PREX1: variants seen among roughly 807,000 people sequenced by gnomAD.
The protein encoded by PREX1 is phosphatidylinositol-3,4,5-trisphosphate dependent Rac exchange factor 1.
In PREX1, 41 loss-of-function variants were observed where a neutral mutation model predicts 198.3. That is an observed-to-expected ratio of 0.21 (90% CI 0.16 to 0.27). PREX1 has a LOEUF of 0.27. Among genes scored for constraint, PREX1 ranks in the 10% least tolerant of loss-of-function variants. PREX1 has a pLI of 1.00. For missense variants in PREX1, 1,620 were observed against 2,200.7 expected (o/e 0.74, Z 5.28); for synonymous variants, 843 against 887.2 (o/e 0.95, Z 0.89).
chr20:48,827,810 G>A lies in PREX1; in HGVS notation c.51C>T (p.Cys17=). Reference sequence around the variant, plus strand: ...CAGGGGCCCGGGGGTCCGGGTGGGCGCAGTCCCCGGCCCCGTCGCCGCCGG... The same window carrying A: ...CAGGGGCCCGGGGGTCCGGGTGGGCACAGTCCCCGGCCCCGTCGCCGCCGG... ...SEPGGDGAGD[C]AHPDPRAPGA... The change falls in exon 1 of 40, where the codon TGC becomes TGT. Residue 17 remains cysteine (C), a synonymous_variant. Transcript: ENST00000371941. The surrounding 1 kb of genome is among the most constrained non-coding windows in gnomAD (Gnocchi z 4.1). 9.7e-7 allele frequency: 1 copy of A among 1,029,662 alleles called. No homozygotes were observed. The allele number at this position is 1,029,662 out of a possible 1,614,324, so 63.8% of individuals were successfully genotyped here.
At chr20:48,775,794 T>C (rs900615759) in intron 1 of PREX1, among the ~76,000 whole-genome samples, 3 of 152,188 alleles carry the variant, frequency 2.0e-5, no homozygotes, top group African/African-American at 4.8e-5. Context: ...CTCCTTGCCT[T>C]CCACCACGAT....
chr20:48,856,664 C>T, the PREX1 span, among the ~76,000 whole-genome samples: 71 of 152,188 alleles, frequency 4.7e-4, no homozygotes, highest in African/African-American at 1.6e-3. Flanking sequence ...TGTTACTTCC[C>T]CTAGGGCAAG....
chr20:48,731,523 T>TA (rs2122716816), intron 4 of PREX1, among the ~76,000 whole-genome samples: 1 of 152,280 alleles, frequency 6.6e-6, no homozygotes, highest in African/African-American at 2.4e-5. Context: ...GCTGGATGAG[T>TA]AAATGAATAA....
intron 5 of PREX1, among the ~76,000 whole-genome samples, chr20:48,711,661 AC>A (rs1204985851): frequency 1.3e-5 from 2 of 152,234 alleles, no homozygotes; most frequent in Admixed American, 1.3e-4. Flanking sequence ...CTTTTACACT[AC>A]AATGACAGAT....
the PREX1 span, among the ~76,000 whole-genome samples, chr20:48,833,805 C>G: frequency 2.0e-5 from 3 of 152,202 alleles, no homozygotes; most frequent in Middle Eastern, 3.4e-3. Context: ...AAATGCCAGC[C>G]GGGCGCGGTG....
chr20:48,774,059 G>A (rs985449330), intron 1 of PREX1, among the ~76,000 whole-genome samples: 7 of 152,194 alleles, frequency 4.6e-5, no homozygotes, highest in Non-Finnish European at 8.8e-5. Context: ...CTGGTTTCTG[G>A]CCTGTACCAC....
intron 13 of PREX1, among the ~76,000 whole-genome samples, chr20:48,678,121 C>T (rs1034975658): frequency 1.1e-4 from 17 of 152,200 alleles, no homozygotes; most frequent in Non-Finnish European, 2.5e-4. Context: ...CGAGCCCAGC[C>T]TGGCCAACAT....
the PREX1 span, among the ~76,000 whole-genome samples, chr20:48,850,500 G>A: frequency 6.6e-6 from 1 of 152,214 alleles, no homozygotes; most frequent in African/African-American, 2.4e-5. Flanking sequence ...GACAGGGACA[G>A]GGACAGGGAC....
At chr20:48,749,274 C>G (rs1025077395) in intron 1 of PREX1, among the ~76,000 whole-genome samples, 3 of 152,174 alleles carry the variant, frequency 2.0e-5, no homozygotes, top group African/African-American at 7.2e-5. Context: ...GTCATAGCCA[C>G]AGGGCCACGG....
rs200772550 is a variant in PREX1, at chr20:48,744,269, C to A, written c.414+756G>T. ...GGCCAGAATCACCCCAGCTGAGAAG[C>A]TCTGCTCTAGACTCTCTACCCGATT... On this transcript the variant is annotated intron_variant, in intron 3 of 39. Transcript: ENST00000371941. Among the ~76,000 whole-genome samples, 7 of 152,298 alleles carry A rather than the reference C, an allele frequency of 4.6e-5. No individual in the cohort carries two copies. In the East Asian group the frequency reaches 1.3e-3, roughly 29 times the overall value.
chr20:48,818,887 TG>T (rs1378468104), intron 1 of PREX1, among the ~76,000 whole-genome samples: 6 of 152,170 alleles, frequency 3.9e-5, no homozygotes, highest in Non-Finnish European at 7.4e-5. Flanking sequence ...TGGCCACAGA[TG>T]GGGGCCCAAA....
intron 18 of PREX1, among the ~76,000 whole-genome samples, chr20:48,656,321 A>G (rs974989565): frequency 8.6e-5 from 13 of 151,514 alleles, no homozygotes; most frequent in African/African-American, 2.7e-4. Context: ...AGCTCCCCCG[A>G]GAGCCACCTT....
chr20:48,747,730 C>G (rs2090115579), intron 2 of PREX1, 79 bp downstream of exon 2: 5 of 1,450,544 alleles, frequency 3.4e-6, no homozygotes, highest in Non-Finnish European at 4.8e-6. Flanking sequence ...CATGCACACC[C>G]TCTGAGCATC....
chr20:48,650,834 C>CA, intron 23 of PREX1, 60 bp downstream of exon 23: 1 of 1,579,690 alleles, frequency 6.3e-7, no homozygotes, highest in Non-Finnish European at 8.6e-7. Flanking sequence ...CCAAATATCC[C>CA]AGGCTGAGAT....
intron 1 of PREX1, among the ~76,000 whole-genome samples, chr20:48,773,343 G>A (rs1040513698): frequency 6.6e-6 from 1 of 151,108 alleles, no homozygotes; most frequent in Non-Finnish European, 1.5e-5. Flanking sequence ...TTCTCATCCT[G>A]GCATCTAGCT....
intron 31 of PREX1, among the ~76,000 whole-genome samples, chr20:48,637,319 T>C (rs1000334918): frequency 1.1e-4 from 16 of 152,214 alleles, no homozygotes; most frequent in African/African-American, 3.4e-4. Flanking sequence ...CCTTGGCTAA[T>C]TTCTAGAAAG....
the PREX1 span, among the ~76,000 whole-genome samples, chr20:48,884,755 A>G: frequency 6.6e-6 from 1 of 152,262 alleles, no homozygotes; most frequent in Admixed American, 6.5e-5. Context: ...AAATATTTGC[A>G]AATCATATGT....
intron 1 of PREX1, among the ~76,000 whole-genome samples, chr20:48,767,705 C>G (rs2090215428): frequency 1.3e-5 from 2 of 152,134 alleles, no homozygotes; most frequent in Non-Finnish European, 2.9e-5. Context: ...TGTCTCATTC[C>G]ACTGCAGCCC....
At chr20:48,677,971 C>T (rs1260170346) in intron 13 of PREX1, among the ~76,000 whole-genome samples, 2 of 151,538 alleles carry the variant, frequency 1.3e-5, no homozygotes, top group African/African-American at 4.9e-5. Context: ...GGGCAACAGA[C>T]CGAGACTCCG....
Sources: gnomAD v4.1 joint callset for allele counts (sites outside exome capture counted in the v4.1 genomes callset) on GRCh38, gnomAD v4.1.1 for gene constraint, Gnocchi (gnomAD v3.1) non-coding constraint, MANE v1.5 for transcripts, NCBI Gene and HGNC (gene_info 2026-07-23, HGNC 2026-07-21) for gene names.